The following SLC2A9 variants were observed in gnomAD, a reference collection of about 807,000 sequenced individuals.
SLC2A9 encodes solute carrier family 2, facilitated glucose transporter member 9.
Under a neutral mutation model 50.6 loss-of-function variants are expected in SLC2A9, and 39 were observed. The ratio of observed to expected loss-of-function variants is 0.77; its 90% CI spans 0.60 to 1.01. SLC2A9 has a LOEUF of 1.01. Ranked by LOEUF, SLC2A9 falls within the 50% of genes least tolerant of loss-of-function variation. The pLI is 0.00. For missense variants in SLC2A9, 686 were observed against 677.6 expected, an observed-to-expected ratio of 1.01 and a Z score of -0.14; for synonymous variants, 324 against 276.9, an observed-to-expected ratio of 1.17 and a Z score of -1.69.
rs1415961825 is a variant in SLC2A9, at chr4:9,805,681, G to T, written n.421-6440C>A. ...ACTGCACTTCAGCCTGCGCAGCAGG[G>T]TGTCAGTTTTTTTTTTTTTTTTTTG... is the stretch of plus-strand genomic sequence containing the variant. On this transcript the variant is annotated intron_variant and non_coding_transcript_variant, in intron 3 of 3. Transcript: ENST00000503280. Among the ~76,000 whole-genome samples, 150 of 139,442 alleles carry T rather than the reference G, an allele frequency of 1.1e-3. 3 individuals are homozygous for T. In the Admixed American group the frequency reaches 0.011, roughly 10 times the overall value. 91.5% of individuals were successfully genotyped at this position (139,442 alleles called of 152,430 possible).
At chr4:9,923,297 C>A (rs1490818717) in intron 6 of SLC2A9, among the ~76,000 whole-genome samples, 1 of 152,178 alleles carries the variant, frequency 6.6e-6, no homozygotes, top group East Asian at 1.9e-4. Flanking sequence ...AGGCAAACAT[C>A]CAGGCCAGAA....
chr4:9,828,714 G>T (rs911313963), intron 11 of SLC2A9, among the ~76,000 whole-genome samples: 3 of 152,180 alleles, frequency 2.0e-5, no homozygotes, highest in Non-Finnish European at 4.4e-5. Context: ...TTCTCAGAGA[G>T]GTTCTCGTTG....
intron 3 of SLC2A9, among the ~76,000 whole-genome samples, chr4:9,806,459 T>C (rs540155399): frequency 1.9e-4 from 29 of 152,360 alleles, no homozygotes; most frequent in Admixed American, 1.6e-3. Context: ...TTGCTGTCAG[T>C]AAATATGTGG....
intron 3 of SLC2A9, among the ~76,000 whole-genome samples, chr4:9,995,127 C>A (rs1458755014): frequency 6.6e-6 from 1 of 152,134 alleles, no homozygotes; most frequent in Non-Finnish European, 1.5e-5. Context: ...TGTGCAGATG[C>A]CCTCACCTCT....
intron 3 of SLC2A9, among the ~76,000 whole-genome samples, chr4:9,802,913 T>C (rs1216771115): frequency 1.3e-5 from 2 of 152,208 alleles, no homozygotes; most frequent in Non-Finnish European, 2.9e-5. Flanking sequence ...TTCCCAATTG[T>C]ACTCTATCAC....
At chr4:9,927,871 C>T (rs1402727221) in intron 6 of SLC2A9, among the ~76,000 whole-genome samples, 3 of 152,204 alleles carry the variant, frequency 2.0e-5, no homozygotes, top group African/African-American at 4.8e-5. Context: ...TTTTGAATGA[C>T]ATATTGCTGT....
chr4:9,994,202 T>C (rs1758207819), intron 3 of SLC2A9, among the ~76,000 whole-genome samples: 1 of 152,242 alleles, frequency 6.6e-6, no homozygotes, highest in African/African-American at 2.4e-5. Flanking sequence ...CTTGGTCCAA[T>C]TGACCACTGG....
chr4:9,829,538 G>C (rs1725708548), intron 11 of SLC2A9, among the ~76,000 whole-genome samples: 1 of 149,186 alleles, frequency 6.7e-6, no homozygotes, highest in South Asian at 2.1e-4. Flanking sequence ...AAACTAAAGA[G>C]CTTCTCCACT....
chr4:9,942,744 C>G (rs1445931176), intron 5 of SLC2A9, among the ~76,000 whole-genome samples: 1 of 152,234 alleles, frequency 6.6e-6, no homozygotes, highest in Non-Finnish European at 1.5e-5. Context: ...GCACACGTTA[C>G]GATGCCCATC....
chr4:10,025,661 T>C, upstream of SLC2A9: 2 of 516,432 alleles, frequency 3.9e-6, no homozygotes, highest in African/African-American at 3.8e-5. Context: ...TGGAGACTTT[T>C]GCCCCAAGCC....
At chr4:9,954,896 T>C (rs1181098988) in intron 5 of SLC2A9, among the ~76,000 whole-genome samples, 3 of 151,804 alleles carry the variant, frequency 2.0e-5, no homozygotes, top group African/African-American at 7.3e-5. Context: ...AGTCTCCCAA[T>C]AGAAAAAAAC....
At chr4:9,816,174 C>CATAAATAAATAAATAA (rs34640947) in intron 3 of SLC2A9, among the ~76,000 whole-genome samples, 19 of 149,056 alleles carry the variant, frequency 1.3e-4, no homozygotes, top group African/African-American at 4.4e-4. Context: ...TGTCTCAAAA[C>CATAAATAAATAAATAA]ATAAATAAAT....
chr4:9,926,642 C>A (rs1215394604), intron 6 of SLC2A9, among the ~76,000 whole-genome samples: 1 of 151,936 alleles, frequency 6.6e-6, no homozygotes, highest in Non-Finnish European at 1.5e-5. Context: ...AATGCTATAA[C>A]CTTCTGTTGT....
At chr4:9,960,015 T>C (rs1218576771) in intron 5 of SLC2A9, among the ~76,000 whole-genome samples, 1 of 152,226 alleles carries the variant, frequency 6.6e-6, no homozygotes, top group Non-Finnish European at 1.5e-5. Context: ...CAGGGCTAAC[T>C]GGGTTATATT....
At chr4:10,015,437 T>G (rs1312817574) in intron 2 of SLC2A9, among the ~76,000 whole-genome samples, 2 of 152,204 alleles carry the variant, frequency 1.3e-5, no homozygotes, top group East Asian at 3.8e-4. Flanking sequence ...GTTTCTTTGT[T>G]CATGAAATGA....
intron 8 of SLC2A9, among the ~76,000 whole-genome samples, chr4:9,892,510 G>A (rs1737693389): frequency 6.6e-6 from 1 of 152,206 alleles, no homozygotes. Context: ...GCCTGAAGAT[G>A]GGCCATCTGA....
intron 10 of SLC2A9, among the ~76,000 whole-genome samples, chr4:9,840,687 A>C (rs1173245799): frequency 1.3e-5 from 2 of 152,200 alleles, no homozygotes; most frequent in Non-Finnish European, 2.9e-5. Flanking sequence ...TTTTCTACCT[A>C]GAACCCTGAG....
chr4:9,942,127 G>T, intron 5 of SLC2A9, 82 bp from the exon 6 acceptor site: 1 of 1,560,280 alleles, frequency 6.4e-7, no homozygotes, highest in South Asian at 1.1e-5. Flanking sequence ...AGGTGGTTTC[G>T]ACCCTGCAGA....
At chr4:9,940,811 A>T (rs1162553702) in intron 6 of SLC2A9, among the ~76,000 whole-genome samples, 1 of 152,278 alleles carries the variant, frequency 6.6e-6, no homozygotes, top group Non-Finnish European at 1.5e-5. Flanking sequence ...ATACTTAGGT[A>T]GTGTGAATTT....
Sources: gnomAD v4.1 joint callset for allele counts (sites outside exome capture counted in the v4.1 genomes callset) on GRCh38, gnomAD v4.1.1 for gene constraint, MANE v1.5 for transcripts, NCBI Gene and HGNC (gene_info 2026-07-23, HGNC 2026-07-21) for gene names.